BANK1: variants seen among roughly 807,000 people sequenced by gnomAD.
BANK1 encodes the protein B-cell scaffold protein with ankyrin repeats.
A neutral mutation model predicts 94.5 loss-of-function variants in BANK1; 95 were observed. The observed-to-expected ratio is 1.00, with a 90% CI of 0.85 to 1.19. The LOEUF (loss-of-function observed/expected upper bound fraction) is 1.19. Ranked by LOEUF, BANK1 falls within the 50% of genes most tolerant of loss-of-function variation. BANK1 has a pLI of 0.00. For synonymous variants in BANK1, 334 were observed against 308.4 expected, an observed-to-expected ratio of 1.08 and a Z score of -0.87; for missense variants, 987 against 932.2, an observed-to-expected ratio of 1.06 and a Z score of -0.77.
chr4:102,012,434 G>C (rs1397265181), intron 7 of BANK1, among the ~76,000 whole-genome samples: 1 of 152,064 alleles, frequency 6.6e-6, no homozygotes, highest in East Asian at 1.9e-4. Flanking sequence ...GGAAGGGAGG[G>C]ATTATTCCAG....
intron 7 of BANK1, among the ~76,000 whole-genome samples, chr4:101,986,583 G>A (rs1725487677): frequency 6.6e-6 from 1 of 151,578 alleles, no homozygotes; most frequent in South Asian, 2.1e-4. Context: ...GCATTTTTAA[G>A]CATTCAGTAA....
In BANK1 at chr4:101,945,183, A is replaced by G. The variant is rs58082082; in HGVS notation, c.1206+26994A>G. ...CCCCCTTTGGAGACTTTAAATAAGT[A>G]TAATACTATGATAACCTCATTCATG... is the stretch of plus-strand genomic sequence containing the variant. On this transcript the variant is annotated intron_variant, in intron 7 of 16. Coordinates refer to ENST00000322953, the MANE Select transcript of BANK1 (RefSeq NM_017935.5). Among the ~76,000 whole-genome samples the G allele has an allele frequency of 9.0e-4, 137 of 152,132 alleles. 1 individual carries two copies. The highest frequency in any genetic ancestry group is 3.1e-3 in the African/African-American group (130 of 41,550).
chr4:102,008,707 C>G (rs1379433994), intron 7 of BANK1, among the ~76,000 whole-genome samples: 7 of 152,282 alleles, frequency 4.6e-5, no homozygotes, highest in East Asian at 1.9e-4. Context: ...TTACTTGTAA[C>G]ATTTTCAGCT....
rs78148756 is a variant in BANK1, at chr4:101,943,062, C to A, written c.1206+24873C>A. 5.6e-3 allele frequency among the ~76,000 whole-genome samples: 849 copies of A among 151,924 alleles called. 15 individuals carry two copies. The East Asian group carries it at 0.056, about 10-fold the overall frequency. On this transcript the variant is annotated intron_variant, in intron 7 of 16. Transcript: ENST00000322953. ...TAGCCAAGAGGAGTAAAGAATGGACCTTCCAGGCACAAAGAGTAAGATGAG... is the reference window on the plus strand; with the variant it reads ...TAGCCAAGAGGAGTAAAGAATGGACATTCCAGGCACAAAGAGTAAGATGAG...
intron 2 of BANK1, among the ~76,000 whole-genome samples, chr4:101,831,791 T>C (rs1726631962): frequency 6.6e-6 from 1 of 152,214 alleles, no homozygotes; most frequent in Non-Finnish European, 1.5e-5. Flanking sequence ...TATTGTTGCA[T>C]AACAAGTTTC....
intron 7 of BANK1, among the ~76,000 whole-genome samples, chr4:101,940,060 T>A (rs1723691898): frequency 6.6e-6 from 1 of 151,754 alleles, no homozygotes; most frequent in Non-Finnish European, 1.5e-5. Context: ...TCATCTTTTG[T>A]CAACTCATGC....
chr4:101,814,658 G>A (rs970619701), intron 1 of BANK1, among the ~76,000 whole-genome samples: 5 of 152,332 alleles, frequency 3.3e-5, no homozygotes, highest in African/African-American at 7.2e-5. Context: ...AATAGATGAT[G>A]TGAATTTAAG....
chr4:101,803,318 G>C (rs547459546), intron 1 of BANK1, among the ~76,000 whole-genome samples: 13 of 151,994 alleles, frequency 8.6e-5, no homozygotes, highest in Non-Finnish European at 1.8e-4. Context: ...TGAGAGGGAG[G>C]GAATTAACAG....
chr4:102,052,408 G>A (rs1291314162), intron 11 of BANK1, among the ~76,000 whole-genome samples: 2 of 152,022 alleles, frequency 1.3e-5, no homozygotes, highest in Non-Finnish European at 2.9e-5. Context: ...GAGCCACCAC[G>A]CCAGAAGGAT....
intron 1 of BANK1, among the ~76,000 whole-genome samples, chr4:101,824,208 A>G (rs565885105): frequency 1.3e-5 from 2 of 152,174 alleles, no homozygotes; most frequent in African/African-American, 4.8e-5. Flanking sequence ...CCTGGAGCTA[A>G]TGAGCTGCTG....
Position 102,063,211 on chromosome 4 carries a change from T to C in BANK1, c.2212+73T>C, listed in dbSNP as rs182736729. On this transcript the variant is annotated intron_variant, in intron 13 of 16. Coordinates refer to ENST00000322953, the MANE Select transcript of BANK1 (RefSeq NM_017935.5). ...GAAAATTCAAGGACTGTGGAGATGA[T>C]TGGGCCTGAGTTCAAATCTAAACCT... 1.4e-3 allele frequency: 1,944 copies of C among 1,364,528 alleles called. 3 individuals carry two copies. Among genetic ancestry groups the C allele is most frequent in the Non-Finnish European group, 1.7e-3 (1,670 of 963,578 alleles). 84.5% of individuals were successfully genotyped at this position (1,364,528 alleles called of 1,614,324 possible). A position where few individuals can be genotyped will look rare whatever the true frequency, so the allele number is the denominator to read the frequency against.
At chr4:101,851,855 T>C (rs892929825) in intron 2 of BANK1, among the ~76,000 whole-genome samples, 1 of 152,172 alleles carries the variant, frequency 6.6e-6, no homozygotes, top group Non-Finnish European at 1.5e-5. Flanking sequence ...CAAAACTTCC[T>C]TTTGCTCAGT....
At chr4:101,909,110 A>G (rs1560627963) in intron 6 of BANK1, among the ~76,000 whole-genome samples, 2 of 152,090 alleles carry the variant, frequency 1.3e-5, no homozygotes, top group Non-Finnish European at 1.5e-5. Context: ...ATGCACACGT[A>G]TGCTTATTGC....
chr4:101,887,976 T>G (rs1728915864), intron 5 of BANK1, among the ~76,000 whole-genome samples: 1 of 152,230 alleles, frequency 6.6e-6, no homozygotes. Context: ...TTCTATCATT[T>G]TCTTTACAAG....
chr4:101,807,954 G>A lies in BANK1; in HGVS notation c.70+17004G>A, dbSNP rs1432964441. 6.6e-5 allele frequency among the ~76,000 whole-genome samples: 10 copies of A among 151,752 alleles called. No homozygotes were observed. In the East Asian group the frequency reaches 1.7e-3, roughly 27 times the overall value. On this transcript the variant is annotated intron_variant, in intron 1 of 16. Coordinates refer to ENST00000322953, the MANE Select transcript of BANK1 (RefSeq NM_017935.5). Reference sequence around the variant, plus strand: ...AAAAAAATTAGCTGGCTGTGGTGGCGCACACCTGTAGTCCCAGCTACTCGG... The same window carrying A: ...AAAAAAATTAGCTGGCTGTGGTGGCACACACCTGTAGTCCCAGCTACTCGG...
At chr4:102,065,932 AT>A (rs2148965944) in intron 13 of BANK1, among the ~76,000 whole-genome samples, 1 of 152,260 alleles carries the variant, frequency 6.6e-6, no homozygotes, top group East Asian at 1.9e-4. Flanking sequence ...TTAGGACAAT[AT>A]AATGCATTCT....
intron 6 of BANK1, among the ~76,000 whole-genome samples, chr4:101,915,977 A>G (rs911665354): frequency 2.6e-5 from 4 of 152,062 alleles, no homozygotes; most frequent in South Asian, 4.1e-4. Context: ...AGAAATAATA[A>G]CATTTCATCA....
At chr4:102,038,502 G>A (rs1727596437) in intron 10 of BANK1, among the ~76,000 whole-genome samples, 1 of 152,242 alleles carries the variant, frequency 6.6e-6, no homozygotes, top group African/African-American at 2.4e-5. Context: ...TCTCATGGGA[G>A]GAGACTAACC....
At chr4:101,840,913 T>C (rs1279738261) in intron 2 of BANK1, among the ~76,000 whole-genome samples, 1 of 152,178 alleles carries the variant, frequency 6.6e-6, no homozygotes, top group African/African-American at 2.4e-5. Flanking sequence ...CACTCTAAAT[T>C]CTACCTTGCA....
Sources: gnomAD v4.1 joint callset for allele counts (sites outside exome capture counted in the v4.1 genomes callset) on GRCh38, gnomAD v4.1.1 for gene constraint, MANE v1.5 for transcripts, NCBI Gene and HGNC (gene_info 2026-07-23, HGNC 2026-07-21) for gene names.